PDS5B: variants seen among roughly 807,000 people sequenced by gnomAD.
PDS5B encodes sister chromatid cohesion protein PDS5 homolog B.
Under a neutral mutation model 184.1 loss-of-function variants are expected in PDS5B, and 51 were observed. The observed-to-expected ratio is 0.28, with a 90% CI of 0.22 to 0.35. PDS5B has a LOEUF of 0.35. PDS5B is among the 10% of genes least tolerant of loss of function. PDS5B has a pLI of 1.00. For missense variants in PDS5B, 1,180 were observed against 1,723.3 expected (o/e 0.68, Z 5.58); for synonymous variants, 566 against 569.2 (o/e 0.99, Z 0.08).
chr13:32,692,361 C>CG (rs1234829565), intron 13 of PDS5B, among the ~76,000 whole-genome samples: 2 of 136,792 alleles, frequency 1.5e-5, no homozygotes, highest in Non-Finnish European at 3.1e-5. Context: ...AAGATGGTAT[C>CG]GGGGTCTTTG....
intron 19 of PDS5B, among the ~76,000 whole-genome samples, chr13:32,722,314 C>T (rs1305546405): frequency 2.0e-5 from 3 of 152,262 alleles, no homozygotes; most frequent in African/African-American, 7.2e-5. Context: ...CAGTACAGTC[C>T]AGCCTCGGCA....
At chr13:32,697,036 A>C in intron 15 of PDS5B, 134 bp downstream of exon 15, 1 of 544,142 alleles carries the variant, frequency 1.8e-6, no homozygotes, top group Non-Finnish European at 3.2e-6. Flanking sequence ...GTCTTACATG[A>C]GCTAGAGCTG....
intron 6 of PDS5B, among the ~76,000 whole-genome samples, chr13:32,663,921 C>G (rs1950717912): frequency 6.6e-6 from 1 of 152,074 alleles, no homozygotes; most frequent in African/African-American, 2.4e-5. Flanking sequence ...CTCTGTGTGC[C>G]TTTGTGTACC....
chr13:32,691,025 A>T (rs1006895270), intron 13 of PDS5B: 1 of 152,066 alleles, frequency 6.6e-6, no homozygotes, highest in African/African-American at 2.4e-5. Flanking sequence ...GTAATAATAA[A>T]GAAATCACGT....
intron 29 of PDS5B, 132 bp from the exon 30 acceptor site, chr13:32,760,443 T>C (rs1954343618): frequency 1.3e-6 from 1 of 752,714 alleles, no homozygotes; most frequent in African/African-American, 1.8e-5. Flanking sequence ...ACTTATTACT[T>C]TGCTTAAGGA....
At chr13:32,706,332 A>G (rs1444069703) in intron 17 of PDS5B, among the ~76,000 whole-genome samples, 1 of 150,372 alleles carries the variant, frequency 6.7e-6, no homozygotes, top group East Asian at 1.9e-4. Flanking sequence ...ATAAAATAAC[A>G]TAAGCTTGTT....
Position 32,587,250 on chromosome 13 carries a change from T to C in PDS5B, c.-20+657T>C, listed in dbSNP as rs1406937259. ...GGCTGAGCGTGACATTTTTGCACTG[T>C]CCCTCGCCGCTCGCCGGAGGGAAAT... is the stretch of plus-strand genomic sequence containing the variant. On this transcript the variant is annotated intron_variant, in intron 1 of 34. Coordinates refer to ENST00000315596, the MANE Select transcript of PDS5B (RefSeq NM_015032.4). Among the ~76,000 whole-genome samples the C allele has an allele frequency of 2.0e-5, 3 of 151,704 alleles. No individual in the cohort carries two copies. In the South Asian group the frequency reaches 6.2e-4, roughly 31 times the overall value.
chr13:32,680,398 A>G (rs1437859308), intron 10 of PDS5B, among the ~76,000 whole-genome samples: 1 of 152,220 alleles, frequency 6.6e-6, no homozygotes, highest in African/African-American at 2.4e-5. Context: ...CCCTTAGTTT[A>G]GATACTTCCT....
At chr13:32,608,719 A>G (rs915261375) in intron 1 of PDS5B, among the ~76,000 whole-genome samples, 1 of 152,200 alleles carries the variant, frequency 6.6e-6, no homozygotes, top group Non-Finnish European at 1.5e-5. Flanking sequence ...GGCAGTAGAT[A>G]TGGCACACTT....
At chr13:32,655,374 A>ATAT in intron 3 of PDS5B, among the ~76,000 whole-genome samples, 2 of 72,464 alleles carry the variant, frequency 2.8e-5, no homozygotes, top group African/African-American at 8.3e-5. Flanking sequence ...ATATATATAT[A>ATAT]TTTTTTTTTT....
In PDS5B at chr13:32,770,473, A is replaced by T; in HGVS notation, c.3977A>T (p.Glu1326Val). The change falls in exon 32 of 35, where the codon GAG becomes GTG. Residue 1326 changes from glutamate to valine, a missense_variant. Glu to Val is a moderately radical substitution (Grantham distance 121). Coordinates refer to ENST00000315596, the MANE Select transcript of PDS5B (RefSeq NM_015032.4). ...KKKSGPPAPE[E>V]EEEEERQSGN... is the part of the protein sequence containing the mutation. ...AAATCTGGACCTCCAGCACCAGAGG[A>T]GGAGGAAGAAGAAGAAAGACAAAGT... 1 of 1,612,526 alleles carries T rather than the reference A, an allele frequency of 6.2e-7. No homozygotes were observed. The highest frequency in any genetic ancestry group is 1.1e-5 in the South Asian group (1 of 90,820).
intron 3 of PDS5B, among the ~76,000 whole-genome samples, chr13:32,656,267 C>A (rs570882747): frequency 7.7e-6 from 1 of 129,134 alleles, no homozygotes; most frequent in South Asian, 2.5e-4. Context: ...GTGATGTCTC[C>A]AGCTTCTTTT....
At position 32,742,797 on chromosome 13, in the gene PDS5B, G is replaced by A. The variant is rs1183983707; in HGVS notation, c.2612+70G>A. ...CAGCTCTTGGTGTAACTGTTCAATG[G>A]TGCTGTTTCTTTTTCTTTTTTTTTT... is the stretch of plus-strand genomic sequence containing the variant. On this transcript the variant is annotated intron_variant, in intron 23 of 34. Transcript: ENST00000315596. 7.5e-6 allele frequency: 10 copies of A among 1,334,592 alleles called. No homozygotes were observed. The East Asian group carries it at 1.2e-4, about 15-fold the overall frequency. 82.7% of individuals were successfully genotyped at this position (1,334,592 alleles called of 1,614,324 possible). A position where few individuals can be genotyped will look rare whatever the true frequency, so the allele number is the denominator to read the frequency against.
rs530431685 is a variant in PDS5B, at chr13:32,698,918, A to G, written c.1601-812A>G. 9.2e-5 allele frequency among the ~76,000 whole-genome samples: 14 copies of G among 152,222 alleles called. No individual in the cohort carries two copies. The East Asian group carries it at 2.7e-3, about 29-fold the overall frequency. ...CAGTCACCTGCCACCACGCCAGGCTAATTTTTGTATTCTTTTAGTAGAGAC... is the reference window on the plus strand; with the variant it reads ...CAGTCACCTGCCACCACGCCAGGCTGATTTTTGTATTCTTTTAGTAGAGAC... On this transcript the variant is annotated intron_variant, in intron 15 of 34. Transcript: ENST00000315596.
At chr13:32,655,374 A>ATATATATATATATATTT in intron 3 of PDS5B, among the ~76,000 whole-genome samples, 24 of 72,454 alleles carry the variant, frequency 3.3e-4, no homozygotes, top group African/African-American at 1.7e-3. Context: ...ATATATATAT[A>ATATATATATATATATTT]TTTTTTTTTT....
At chr13:32,662,277 C>T (rs770746132) in intron 6 of PDS5B, among the ~76,000 whole-genome samples, 1 of 152,052 alleles carries the variant, frequency 6.6e-6, no homozygotes, top group Non-Finnish European at 1.5e-5. Flanking sequence ...CTTGTGTGCA[C>T]ACAGGCTCAA....
intron 15 of PDS5B, 29 bp downstream of exon 15, chr13:32,696,931 T>C (rs1295409755): frequency 7.6e-7 from 1 of 1,321,826 alleles, no homozygotes; most frequent in Admixed American, 2.0e-5. Context: ...TGTATAAAAA[T>C]GTAATTTTTA....
intron 6 of PDS5B, among the ~76,000 whole-genome samples, chr13:32,666,747 A>G (rs935905130): frequency 1.2e-4 from 19 of 152,212 alleles, no homozygotes; most frequent in African/African-American, 4.6e-4. Flanking sequence ...GGGGTATTAA[A>G]TGCATTTTGA....
At chr13:32,648,712 TATCTA>T in intron 1 of PDS5B, 37 bp from the exon 2 acceptor site, 1 of 783,988 alleles carries the variant, frequency 1.3e-6, no homozygotes, top group Non-Finnish European at 2.3e-6. Flanking sequence ...AGAATGTTTA[TATCTA>T]TTTTTTGGTT....
Sources: allele counts gnomAD v4.1 joint callset (sites outside exome capture counted in the v4.1 genomes callset), GRCh38; gene constraint gnomAD v4.1.1; transcripts MANE v1.5; gene names NCBI Gene and HGNC (gene_info 2026-07-23, HGNC 2026-07-21).